AGPAT3: variants seen among roughly 807,000 people sequenced by gnomAD.
AGPAT3 encodes 1-acyl-sn-glycerol-3-phosphate acyltransferase gamma.
A neutral mutation model predicts 47.3 loss-of-function variants in AGPAT3; 5 were observed. That is an observed-to-expected ratio of 0.11 (90% confidence interval 0.06 to 0.22). AGPAT3 has a LOEUF of 0.22. Ranked by LOEUF, AGPAT3 falls within the 10% of genes least tolerant of loss-of-function variation. AGPAT3 has a pLI of 1.00. For missense variants in AGPAT3, 315 were observed against 493.0 expected, an observed-to-expected ratio of 0.64 and a Z score of 3.42; for synonymous variants, 212 against 208.3, an observed-to-expected ratio of 1.02 and a Z score of -0.15.
intron 2 of AGPAT3, among the ~76,000 whole-genome samples, chr21:43,910,512 A>C (rs928101152): frequency 1.3e-5 from 2 of 152,182 alleles, no homozygotes; most frequent in Non-Finnish European, 2.9e-5. Flanking sequence ...AATTAGGTGA[A>C]TTAAGTGAAT....
rs2146071123 is a variant in AGPAT3 at position 43,908,344 on chromosome 21, C to T, written c.-49+4325C>T. 6.6e-6 allele frequency among the ~76,000 whole-genome samples: 1 copy of T among 152,304 alleles called. No homozygotes were observed. Among genetic ancestry groups the T allele is most frequent in the South Asian group, 2.1e-4 (1 of 4,818 alleles). On this transcript the variant is annotated intron_variant, in intron 2 of 9. Transcript: ENST00000291572. The surrounding 1 kb of genome is among the most constrained non-coding windows in gnomAD (Gnocchi z 4.9). ...GGAACCAGCCAAGTTCACACATGGC[C>T]ACCTGCCAACCTGACCTGTGTGTTG...
rs1176066968 is a variant in AGPAT3, at chr21:43,908,689, C to T, written c.-49+4670C>T. Among the ~76,000 whole-genome samples, 9 of 152,318 alleles carry T rather than the reference C, an allele frequency of 5.9e-5. No homozygotes were observed. In the East Asian group the frequency reaches 1.7e-3, roughly 29 times the overall value. On this transcript the variant is annotated intron_variant, in intron 2 of 9. Coordinates refer to ENST00000291572, the MANE Select transcript of AGPAT3 (RefSeq NM_020132.5). This position sits in a 1 kb window ranked among gnomAD's most constrained non-coding sequence, Gnocchi z 4.9. ...GTGAAATGCCAGCAGCTTCTAAAAC[C>T]TTTGGGTTCTTTAAGAAAAGGCTAA...
intron 1 of AGPAT3, among the ~76,000 whole-genome samples, chr21:43,877,785 C>T (rs939371686): frequency 6.6e-6 from 1 of 152,154 alleles, no homozygotes; most frequent in African/African-American, 2.4e-5. Context: ...GATATCTTCC[C>T]AGCAGGCCCA....
chr21:43,943,363 T>C (rs1023736183), intron 2 of AGPAT3, among the ~76,000 whole-genome samples: 3 of 152,150 alleles, frequency 2.0e-5, no homozygotes, highest in Non-Finnish European at 4.4e-5. Flanking sequence ...CGTGAGCCAC[T>C]GCGCCCACCC....
Position 43,983,948 on chromosome 21 carries a change from A to G in AGPAT3, c.*1556A>G, listed in dbSNP as rs1249634554. ...AAGTAAACCGAGAACATAATTAGGCATCGGGCCTAAGTGTCCTGGGGAGAT... is the reference window on the plus strand; with the variant it reads ...AAGTAAACCGAGAACATAATTAGGCGTCGGGCCTAAGTGTCCTGGGGAGAT... On this transcript the variant is annotated 3_prime_UTR_variant, in exon 10 of 10. Transcript: ENST00000291572. 6.6e-5 allele frequency: 10 copies of G among 152,256 alleles called. No homozygotes were observed. The highest frequency in any genetic ancestry group is 6.5e-4 in the Admixed American group (10 of 15,286). The allele number at this position is 152,256 out of a possible 1,614,324, so 9.4% of individuals were successfully genotyped here.
At chr21:43,902,763 G>A (rs1293235241) in intron 1 of AGPAT3, among the ~76,000 whole-genome samples, 1 of 152,178 alleles carries the variant, frequency 6.6e-6, no homozygotes, top group Non-Finnish European at 1.5e-5. Context: ...CTTTGGGAGG[G>A]CGAGGCAGGC....
At chr21:43,960,899 G>A in intron 3 of AGPAT3, 1 of 392,224 alleles carries the variant, frequency 2.5e-6, no homozygotes. Flanking sequence ...CCAGCACTTT[G>A]AGAGGCTGAG....
At chr21:43,923,478 C>T (rs1410280407) in intron 2 of AGPAT3, among the ~76,000 whole-genome samples, 2 of 152,212 alleles carry the variant, frequency 1.3e-5, no homozygotes, top group Admixed American at 1.3e-4. Context: ...CCCACCCAGG[C>T]GCCCTCCAAT....
chr21:43,871,278 G>T (rs940918110), intron 1 of AGPAT3, among the ~76,000 whole-genome samples: 1 of 152,180 alleles, frequency 6.6e-6, no homozygotes, highest in African/African-American at 2.4e-5. Context: ...TCTGTCTCAG[G>T]GATGGCTGCT....
At chr21:43,886,498 C>T (rs934268650) in intron 1 of AGPAT3, among the ~76,000 whole-genome samples, 8 of 152,198 alleles carry the variant, frequency 5.3e-5, no homozygotes, top group Admixed American at 3.3e-4. Context: ...GTGATCCACC[C>T]GACTCAGCCT....
intron 1 of AGPAT3, among the ~76,000 whole-genome samples, chr21:43,882,068 G>A (rs78774739): frequency 0.011 from 1,724 of 152,380 alleles, 24 homozygotes; most frequent in Non-Finnish European, 0.017. Flanking sequence ...CCATGTTGGC[G>A]TGGTCCAGGG....
intron 6 of AGPAT3, 146 bp from the exon 7 acceptor site, chr21:43,971,242 G>A (rs1262545376): frequency 1.2e-5 from 8 of 686,968 alleles, no homozygotes; most frequent in Non-Finnish European, 2.0e-5. Context: ...AAGAGGTCCT[G>A]GTGTGTTCTC....
At chr21:43,931,146 GA>G (rs1031542218) in intron 2 of AGPAT3, among the ~76,000 whole-genome samples, 5 of 152,156 alleles carry the variant, frequency 3.3e-5, no homozygotes, top group Non-Finnish European at 7.4e-5. Flanking sequence ...GGATGAGGGG[GA>G]GTGTCAGTGA....
At chr21:43,865,534 G>A (rs2085485248) in intron 1 of AGPAT3, among the ~76,000 whole-genome samples, 189 bp downstream of exon 1, 1 of 148,442 alleles carries the variant, frequency 6.7e-6, no homozygotes, top group Admixed American at 6.7e-5. Flanking sequence ...GGAAGGCGCG[G>A]GGCCGGGAGG....
At position 43,920,300 on chromosome 21, in the gene AGPAT3, G is replaced by A. The variant is rs568350168; in HGVS notation, c.-49+16281G>A. On this transcript the variant is annotated intron_variant, in intron 2 of 9. Transcript: ENST00000291572. The surrounding 1 kb of genome is among the most constrained non-coding windows in gnomAD (Gnocchi z 6.1). ...TGTCAGTGTGAGAGTGTGTGTGTGC[G>A]TGTGAGTGTTGAATGTGTGTGTGAG... 2.6e-5 allele frequency among the ~76,000 whole-genome samples: 4 copies of A among 152,194 alleles called. No individual in the cohort carries two copies. The highest frequency in any genetic ancestry group is 1.9e-4 in the East Asian group (1 of 5,186).
In AGPAT3 at chr21:43,929,163, G is replaced by A. The variant is rs151143635; in HGVS notation, c.-49+25144G>A. ...TGCTCCCGTAGTGGGTGCCTCATGC[G>A]GGTGGGGAGCTCTGTGTGCCCACCT... On this transcript the variant is annotated intron_variant, in intron 2 of 9. Coordinates refer to ENST00000291572, the MANE Select transcript of AGPAT3 (RefSeq NM_020132.5). Among the ~76,000 whole-genome samples the A allele has an allele frequency of 1.6e-3, 240 of 152,326 alleles. 2 individuals are homozygous for A. Among genetic ancestry groups the A allele is most frequent in the Non-Finnish European group, 1.1e-3 (74 of 68,026 alleles).
chr21:43,957,649 C>A (rs2088547022), intron 2 of AGPAT3, among the ~76,000 whole-genome samples: 1 of 145,760 alleles, frequency 6.9e-6, no homozygotes, highest in Admixed American at 6.8e-5. Flanking sequence ...TCTCGGGTTT[C>A]CCCCTCCACA....
intron 1 of AGPAT3, among the ~76,000 whole-genome samples, chr21:43,876,963 A>G (rs1300355120): frequency 6.6e-6 from 1 of 151,876 alleles, no homozygotes; most frequent in African/African-American, 2.4e-5. Flanking sequence ...GGCTCAAGTG[A>G]TTCTTGTGCC....
chr21:43,882,073 C>T (rs150607435), intron 1 of AGPAT3, among the ~76,000 whole-genome samples: 39 of 152,380 alleles, frequency 2.6e-4, no homozygotes, highest in African/African-American at 9.4e-4. Context: ...TTGGCGTGGT[C>T]CAGGGTCTAA....
Sources: allele counts gnomAD v4.1 joint callset (sites outside exome capture counted in the v4.1 genomes callset), GRCh38; gene constraint gnomAD v4.1.1; non-coding constraint Gnocchi (gnomAD v3.1); transcripts MANE v1.5; gene names NCBI Gene and HGNC (gene_info 2026-07-23, HGNC 2026-07-21).